PSG3: variants seen among roughly 807,000 people sequenced by gnomAD.
The protein encoded by PSG3 is pregnancy specific beta-1-glycoprotein 3.
In PSG3, 61 loss-of-function variants were observed where a neutral mutation model predicts 47.5. That is an observed-to-expected ratio of 1.28 (90% CI 1.05 to 1.59). The LOEUF (loss-of-function observed/expected upper bound fraction) is 1.59. Ranked by LOEUF, PSG3 falls within the 40% of genes most tolerant of loss-of-function variation. The pLI, the probability that PSG3 is intolerant of heterozygous loss-of-function variation, is 0.00. For missense variants in PSG3, 756 were observed against 524.0 expected, an observed-to-expected ratio of 1.44 and a Z score of -4.32; for synonymous variants, 263 against 198.4, an observed-to-expected ratio of 1.33 and a Z score of -2.74.
chr19:42,730,629 A>G (rs1969458124), intron 3 of PSG3, among the ~76,000 whole-genome samples: 1 of 152,212 alleles, frequency 6.6e-6, no homozygotes, highest in Non-Finnish European at 1.5e-5. Flanking sequence ...GTCATCAGGC[A>G]GTGGAGGCTC....
rs1339506019 is a variant in PSG3, at chr19:42,729,362, G to A, written c.1004C>T (p.Pro335Leu). 2 of 1,613,580 alleles carry A rather than the reference G, an allele frequency of 1.2e-6. No homozygotes were observed. Among genetic ancestry groups the A allele is most frequent in the Non-Finnish European group, 1.7e-6 (2 of 1,179,764 alleles). ...ATAGGTGAATGAAGGGTAAATTCTGGGGAGGTCTGGACCATCTGGAGCAAA... is the reference window on the plus strand; with the variant it reads ...ATAGGTGAATGAAGGGTAAATTCTGAGGAGGTCTGGACCATCTGGAGCAAA... ...TLNVLYGPDL[P>L]RIYPSFTYYH... Residue 335 changes from proline to leucine, a missense_variant, in exon 5 of 7, where the codon CCC becomes CTC. By Grantham distance (98) the Pro-to-Leu change is moderately conservative. Coordinates refer to ENST00000327495, the MANE Select transcript of PSG3 (RefSeq NM_021016.4).
chr19:42,729,877 G>T lies in PSG3; in HGVS notation c.889C>A (p.Leu297Ile). 1 of 1,612,668 alleles carries T rather than the reference G, an allele frequency of 6.2e-7. No individual in the cohort carries two copies. Among genetic ancestry groups the T allele is most frequent in the Non-Finnish European group, 8.5e-7 (1 of 1,179,840 alleles). Residue 297 changes from leucine to isoleucine, a missense_variant, in exon 4 of 7, where the codon CTA becomes ATA. Coordinates refer to ENST00000327495, the MANE Select transcript of PSG3 (RefSeq NM_021016.4). ...GTTTCATTTCTCGTGACACTGGGTA[G>T]AATGAGGATCCTGTTTTCAATGGGT... ...KRPIENRILILPSVTRNETGP... is the reference protein window; with the variant it reads ...KRPIENRILIIPSVTRNETGP...
intron 2 of PSG3, among the ~76,000 whole-genome samples, chr19:42,736,502 C>A (rs1969564995): frequency 6.6e-6 from 1 of 152,186 alleles, no homozygotes; most frequent in Non-Finnish European, 1.5e-5. Context: ...TCTCTAAGCC[C>A]TGATCCACTG....
intron 3 of PSG3, chr19:42,731,918 C>A (rs1217809785): frequency 2.6e-5 from 4 of 151,150 alleles, no homozygotes; most frequent in South Asian, 4.1e-4. Context: ...AATTTCCTTT[C>A]AGATTGTTCA....
chr19:42,736,720 C>T (rs918209064), intron 2 of PSG3, among the ~76,000 whole-genome samples: 2 of 151,736 alleles, frequency 1.3e-5, no homozygotes, highest in African/African-American at 4.9e-5. Context: ...CTGCCTATCC[C>T]TGTCCCATGG....
At chr19:42,724,123 G>C in intron 5 of PSG3, 98 bp from the exon 6 acceptor site, 1 of 1,470,232 alleles carries the variant, frequency 6.8e-7, no homozygotes, top group Non-Finnish European at 9.3e-7. Flanking sequence ...CTCTATAATT[G>C]TTTCTTCAAG....
intron 6 of PSG3, 140 bp downstream of exon 6, chr19:42,723,802 C>T (rs971726108): frequency 3.5e-5 from 24 of 691,884 alleles, no homozygotes; most frequent in Non-Finnish European, 4.6e-5. Context: ...AAGGGAACTG[C>T]AGGAATTAGT....
rs534897318 is a variant in PSG3 at position 42,739,003 on chromosome 19, C to G, written c.151G>C (p.Val51Leu). ...EPTKVSKGKD[V>L]LLLVHNLPQN... is the part of the protein sequence containing the mutation. ...GGCAAATTGTGGACAAGTAGAAGAA[C>G]GTCCTTCCCCTTGGAAACTTTGGTT... is the stretch of plus-strand genomic sequence containing the variant. The change falls in exon 2 of 7, where the codon GTT (valine) becomes CTT (leucine). Residue 51 changes from valine (V) to leucine (L), a missense_variant. By Grantham distance (32) the Val-to-Leu change is conservative. Coordinates refer to ENST00000327495, the MANE Select transcript of PSG3 (RefSeq NM_021016.4). 3.1e-6 allele frequency: 5 copies of G among 1,613,860 alleles called. No homozygotes were observed. Among genetic ancestry groups the G allele is most frequent in the Non-Finnish European group, 4.2e-6 (5 of 1,179,942 alleles).
chr19:42,726,471 A>T (rs1487765295), intron 5 of PSG3, among the ~76,000 whole-genome samples: 1 of 152,230 alleles, frequency 6.6e-6, no homozygotes, highest in Non-Finnish European at 1.5e-5. Context: ...TTCAAACATC[A>T]GTTGTATTTC....
At chr19:42,739,297 C>T (rs777318193) in intron 1 of PSG3, 25 of 907,056 alleles carry the variant, frequency 2.8e-5, no homozygotes, top group South Asian at 9.6e-5. Context: ...GCAACATGAC[C>T]CCCATTCCTT....
rs927519915 is a variant in PSG3 at position 42,724,112 on chromosome 19, A to T, written c.1244-87T>A. 8.1e-6 allele frequency: 12 copies of T among 1,488,322 alleles called. No homozygotes were observed. The African/African-American group carries it at 1.7e-4, about 21-fold the overall frequency. The allele number at this position is 1,488,322 out of a possible 1,614,324, so 92.2% of individuals were successfully genotyped here. A position where few individuals can be genotyped will look rare whatever the true frequency, so the allele number is the denominator to read the frequency against. On this transcript the variant is annotated intron_variant, in intron 5 of 6. Transcript: ENST00000327495. ...CAGGAACAAGCATGTAACATGAGGT[A>T]CTCTATAATTGTTTCTTCAAGGACT...
chr19:42,725,887 A>C (rs1163056015), intron 5 of PSG3, among the ~76,000 whole-genome samples: 4 of 141,892 alleles, frequency 2.8e-5, no homozygotes, highest in South Asian at 2.3e-4. Flanking sequence ...CAACAACAAC[A>C]ACCAAAAAAA....
chr19:42,725,039 G>A (rs1459787549), intron 5 of PSG3, among the ~76,000 whole-genome samples: 2 of 152,146 alleles, frequency 1.3e-5, no homozygotes, highest in Non-Finnish European at 2.9e-5. Context: ...TTAGAGTGGT[G>A]TAAAACTTTC....
At position 42,731,583 on chromosome 19, in the gene PSG3, T is replaced by A. The variant is rs1969474234; in HGVS notation, c.709+1201A>T. On this transcript the variant is annotated intron_variant, in intron 3 of 6. Coordinates refer to ENST00000327495, the MANE Select transcript of PSG3 (RefSeq NM_021016.4). ...ACCTTTTCATGGTTGCCTCTTTTTC[T>A]CAGTGTATCTGTTGTGGCAGTCATT... is the stretch of plus-strand genomic sequence containing the variant. Among the ~76,000 whole-genome samples, 3 of 152,074 alleles carry A rather than the reference T, an allele frequency of 2.0e-5. No homozygotes were observed. The South Asian group carries it at 6.2e-4, about 32-fold the overall frequency.
In PSG3 at chr19:42,732,931, G is replaced by T. The variant is rs746628722; in HGVS notation, c.562C>A (p.Pro188Thr). 3 of 1,614,086 alleles carry T rather than the reference G, an allele frequency of 1.9e-6. No individual in the cohort carries two copies. In the Admixed American group the frequency reaches 5.0e-5, roughly 27 times the overall value. The change falls in exon 3 of 7, where the codon CCT becomes ACT. Residue 188 changes from proline (P) to threonine (T), a missense_variant. Pro to Thr is a conservative substitution (Grantham distance 38). Transcript: ENST00000327495. ...YLWWMNGQSL[P>T]MTHSLQLSKN... ...GACAACTGCAAGCTGTGAGTCATAGGGAGGCTCTGACCATTCATCCACCAC... is the reference window on the plus strand; with the variant it reads ...GACAACTGCAAGCTGTGAGTCATAGTGAGGCTCTGACCATTCATCCACCAC...
At chr19:42,722,373 C>T (rs1365951026) in intron 6 of PSG3, among the ~76,000 whole-genome samples, 2 of 152,166 alleles carry the variant, frequency 1.3e-5, no homozygotes, top group Non-Finnish European at 2.9e-5. Context: ...GCCTCAGCCT[C>T]CTGAGTAGCT....
chr19:42,725,202 G>C (rs545286334), intron 5 of PSG3, among the ~76,000 whole-genome samples: 1 of 152,144 alleles, frequency 6.6e-6, no homozygotes, highest in African/African-American at 2.4e-5. Context: ...ACCTTTAAAA[G>C]AAAGGTATGA....
chr19:42,736,333 C>G (rs531042681), intron 2 of PSG3, among the ~76,000 whole-genome samples: 1 of 152,162 alleles, frequency 6.6e-6, no homozygotes, highest in Non-Finnish European at 1.5e-5. Context: ...ACCGGCTGAC[C>G]TCATCCATAC....
chr19:42,739,992 G>T (rs893664872), intron 1 of PSG3, among the ~76,000 whole-genome samples: 19 of 147,992 alleles, frequency 1.3e-4, no homozygotes, highest in African/African-American at 4.3e-4. Flanking sequence ...TTGTACTGTC[G>T]CCCAGGCTGG....
Sources: allele counts gnomAD v4.1 joint callset (sites outside exome capture counted in the v4.1 genomes callset), GRCh38; gene constraint gnomAD v4.1.1; transcripts MANE v1.5; gene names NCBI Gene and HGNC (gene_info 2026-07-23, HGNC 2026-07-21).